Variants in CCDC7 observed in about 807,000 individuals in gnomAD.
The protein encoded by CCDC7 is coiled-coil domain-containing protein 7.
CCDC7 carries 183 observed loss-of-function variants against 196.9 expected under a neutral mutation model. The observed-to-expected ratio is 0.93, with a 90% CI of 0.82 to 1.05. The LOEUF (loss-of-function observed/expected upper bound fraction) is 1.05, where lower values mean the gene tolerates loss of function less well. CCDC7 is among the 50% of genes least tolerant of loss of function. The pLI is 0.00. For missense variants in CCDC7, 1,540 were observed against 1,482.2 expected (o/e 1.04, Z -0.64); for synonymous variants, 525 against 484.6 (o/e 1.08, Z -1.10).
At chr10:32,603,518 C>A (rs772164618) in intron 18 of CCDC7, among the ~76,000 whole-genome samples, 1 of 148,874 alleles carries the variant, frequency 6.7e-6, no homozygotes, top group Admixed American at 6.9e-5. Context: ...TTTTGAGAAA[C>A]CTCTATAATG....
chr10:32,808,609 A>G (rs1297889974), intron 30 of CCDC7, among the ~76,000 whole-genome samples: 2 of 114,200 alleles, frequency 1.8e-5, no homozygotes, highest in Non-Finnish European at 4.2e-5. Context: ...TAGAGGCCCA[A>G]GGATTAGCCT....
chr10:32,802,750 TG>T (rs2085061356), intron 29 of CCDC7, among the ~76,000 whole-genome samples: 1 of 152,166 alleles, frequency 6.6e-6, no homozygotes, highest in African/African-American at 2.4e-5. Context: ...AAACTACTGG[TG>T]TAGGTCCAAG....
At chr10:32,488,114 G>A (rs3006729) in intron 8 of CCDC7, among the ~76,000 whole-genome samples, 21,025 of 152,254 alleles carry the variant, frequency 0.14, 1,764 homozygotes, top group East Asian at 0.25. Flanking sequence ...AGGCCTCCTT[G>A]AGCTGTGGTT....
intron 24 of CCDC7, among the ~76,000 whole-genome samples, chr10:32,700,775 C>T (rs1444858294): frequency 6.6e-6 from 1 of 152,114 alleles, no homozygotes. Context: ...CTTCACATCC[C>T]TTGTAAGTTG....
At chr10:32,488,659 C>G (rs925404799) in intron 8 of CCDC7, among the ~76,000 whole-genome samples, 1 of 152,170 alleles carries the variant, frequency 6.6e-6, no homozygotes, top group South Asian at 2.1e-4. Flanking sequence ...CTGTATGGTT[C>G]TTCTGTATGA....
At chr10:32,819,933 C>T (rs1008777908) in intron 31 of CCDC7, among the ~76,000 whole-genome samples, 1 of 152,194 alleles carries the variant, frequency 6.6e-6, no homozygotes, top group Non-Finnish European at 1.5e-5. Flanking sequence ...TCTCACCACT[C>T]CTATTCAACA....
At chr10:32,709,015 G>A (rs1763786) in intron 24 of CCDC7, among the ~76,000 whole-genome samples, 149,883 of 152,280 alleles carry the variant, frequency 0.98, 73,801 homozygotes, top group Middle Eastern at 1. Flanking sequence ...TAAAGACAAC[G>A]TGCACACGTA....
chr10:32,471,098 C>A, exon 6 of CCDC7: 1 of 1,610,278 alleles, frequency 6.2e-7, no homozygotes, highest in Non-Finnish European at 8.5e-7. Context: ...CAAGCAGAGC[C>A]TCCAAAACCT....
chr10:32,443,881 A>G (rs750296765), upstream of CCDC7, among the ~76,000 whole-genome samples: 1 of 152,098 alleles, frequency 6.6e-6, no homozygotes, highest in African/African-American at 2.4e-5. Flanking sequence ...ATAAATATTG[A>G]TAGACATAGA....
intron 29 of CCDC7, among the ~76,000 whole-genome samples, chr10:32,786,171 AT>A (rs1323374633): frequency 6.6e-6 from 1 of 152,224 alleles, no homozygotes; most frequent in Non-Finnish European, 1.5e-5. Context: ...TAAGTAACAG[AT>A]TTCAGTGGTA....
chr10:32,637,073 GTTGT>G (rs1362331247), intron 20 of CCDC7, among the ~76,000 whole-genome samples: 7 of 152,154 alleles, frequency 4.6e-5, no homozygotes, highest in African/African-American at 9.7e-5. Flanking sequence ...TTTTGATGGG[GTTGT>G]TTGTTTTTTT....
intron 18 of CCDC7, among the ~76,000 whole-genome samples, chr10:32,624,446 A>G (rs370878739): frequency 6.6e-6 from 1 of 152,206 alleles, no homozygotes; most frequent in Non-Finnish European, 1.5e-5. Flanking sequence ...TTGCATTTTA[A>G]CAATCAGATG....
rs180833778 is a variant in CCDC7, at chr10:32,478,840, C to T, written c.796+4817C>T. On this transcript the variant is annotated intron_variant, in intron 8 of 41. Coordinates refer to ENST00000639629, the Ensembl canonical transcript of CCDC7. The stretch of plus-strand genomic sequence containing the variant: ...CATAGAATGAGTCAGGAAATGTTCT[C>T]TGTGTTTCTGTCTTCTGGAAGAGAT... 1.3e-3 allele frequency among the ~76,000 whole-genome samples: 199 copies of T among 152,184 alleles called. 1 individual carries two copies. Among genetic ancestry groups the T allele is most frequent in the Non-Finnish European group, 1.0e-3 (69 of 67,956 alleles).
intron 28 of CCDC7, among the ~76,000 whole-genome samples, chr10:32,764,811 C>A (rs958318174): frequency 2.0e-5 from 3 of 151,642 alleles, no homozygotes; most frequent in Non-Finnish European, 4.4e-5. Flanking sequence ...GAAATGGGAA[C>A]CTTAAATGCA....
intron 18 of CCDC7, among the ~76,000 whole-genome samples, chr10:32,632,139 T>G (rs930553217): frequency 7.1e-5 from 9 of 126,142 alleles, no homozygotes; most frequent in Non-Finnish European, 1.5e-4. Flanking sequence ...TTCTTTTTTT[T>G]GGGGGGGGGG....
chr10:32,511,259 GGC>G (rs1554812835), intron 9 of CCDC7: 1 of 637,304 alleles, frequency 1.6e-6, no homozygotes, highest in Non-Finnish European at 2.5e-6. Context: ...TTCTGTGGGG[GGC>G]GGGGGGGGCG....
upstream of CCDC7, chr10:32,451,523 A>G (rs1292113388): frequency 3.7e-6 from 5 of 1,363,936 alleles, no homozygotes; most frequent in Non-Finnish European, 4.8e-6. Flanking sequence ...CATCAGAAAA[A>G]GAGAAATGTA....
rs562299925 is a variant in CCDC7, at chr10:32,741,326, A to G, written c.2905+11869A>G. On this transcript the variant is annotated intron_variant, in intron 28 of 41. Transcript: ENST00000639629. Reference sequence around the variant, plus strand: ...CCAAAACAGATAGTCTTTTCAGTACATATTAAAATTATGCACATTGCTGGA... The same window carrying G: ...CCAAAACAGATAGTCTTTTCAGTACGTATTAAAATTATGCACATTGCTGGA... Among the ~76,000 whole-genome samples the G allele has an allele frequency of 2.2e-4, 34 of 152,362 alleles. No homozygotes were observed. The South Asian group carries it at 6.6e-3, about 30-fold the overall frequency.
At chr10:32,859,271 A>G (rs946291095) in intron 41 of CCDC7, among the ~76,000 whole-genome samples, 2 of 152,218 alleles carry the variant, frequency 1.3e-5, no homozygotes, top group Admixed American at 6.5e-5. Context: ...AACTCACTCA[A>G]AACCACACAA....
Sources: gnomAD v4.1 joint callset for allele counts (sites outside exome capture counted in the v4.1 genomes callset) on GRCh38, gnomAD v4.1.1 for gene constraint, MANE v1.5 for transcripts, NCBI Gene and HGNC (gene_info 2026-07-23, HGNC 2026-07-21) for gene names.